The following PTK2B variants were observed in gnomAD, a reference collection of about 807,000 sequenced individuals.
The protein encoded by PTK2B is protein tyrosine kinase 2 beta, also known as protein-tyrosine kinase 2-beta.
PTK2B carries 71 observed loss-of-function variants against 142.9 expected under a neutral mutation model. The observed-to-expected ratio is 0.50, with a 90% confidence interval of 0.41 to 0.61. The LOEUF (loss-of-function observed/expected upper bound fraction) is 0.61, where lower values mean the gene tolerates loss of function less well. Ranked by LOEUF, PTK2B falls within the 20% of genes least tolerant of loss-of-function variation. PTK2B has a pLI of 0.00. For synonymous variants in PTK2B, 519 were observed against 503.4 expected, an observed-to-expected ratio of 1.03 and a Z score of -0.42; for missense variants, 1,105 against 1,320.4, an observed-to-expected ratio of 0.84 and a Z score of 2.53.
intron 24 of PTK2B, among the ~76,000 whole-genome samples, chr8:27,447,717 A>C (rs1461824606): frequency 6.6e-6 from 1 of 152,154 alleles, no homozygotes; most frequent in African/African-American, 2.4e-5. Context: ...AAAATTAGTC[A>C]GGCATGGTAG....
chr8:27,366,946 G>A (rs1021559169), intron 1 of PTK2B, among the ~76,000 whole-genome samples: 1 of 152,140 alleles, frequency 6.6e-6, no homozygotes, highest in African/African-American at 2.4e-5. Context: ...GAGGCTGAGT[G>A]TGGTGGCTCG....
At chr8:27,447,845 C>A (rs1159792438) in intron 24 of PTK2B, among the ~76,000 whole-genome samples, 1 of 152,176 alleles carries the variant, frequency 6.6e-6, no homozygotes, top group African/African-American at 2.4e-5. Flanking sequence ...GGCAACAGAG[C>A]AAAACCCTGT....
At position 27,331,408 on chromosome 8, in the gene PTK2B, C is replaced by T. The variant is rs147964505; in HGVS notation, c.-38+5727C>T. On this transcript the variant is annotated intron_variant, in intron 1 of 30. Coordinates refer to ENST00000346049, the MANE Select transcript of PTK2B (RefSeq NM_173176.3). ...CCCTTCTCACCTTTCTCACCTGGGACGGAATGGCCCCTGTGGTGGTTCTGA... is the reference window on the plus strand; with the variant it reads ...CCCTTCTCACCTTTCTCACCTGGGATGGAATGGCCCCTGTGGTGGTTCTGA... 1.0e-3 allele frequency among the ~76,000 whole-genome samples: 158 copies of T among 152,132 alleles called. 1 individual carries two copies. Among genetic ancestry groups the T allele is most frequent in the African/African-American group, 3.4e-3 (143 of 41,546 alleles).
At position 27,450,344 on chromosome 8, in the gene PTK2B, T is replaced by C. The variant is rs193067581; in HGVS notation, c.2341-405T>C. 3.3e-5 allele frequency among the ~76,000 whole-genome samples: 5 copies of C among 152,360 alleles called. No homozygotes were observed. In the East Asian group the frequency reaches 9.6e-4, roughly 29 times the overall value. On this transcript the variant is annotated intron_variant, in intron 24 of 30. Transcript: ENST00000346049. The stretch of plus-strand genomic sequence containing the variant: ...AGCAAAGCCAGCCCCTTGGAAACCC[T>C]TTGGATGCTTTTAGTAGATTTTAAA...
chr8:27,382,876 T>C (rs1301488036), intron 1 of PTK2B, among the ~76,000 whole-genome samples: 1 of 152,240 alleles, frequency 6.6e-6, no homozygotes, highest in Non-Finnish European at 1.5e-5. Flanking sequence ...TATGTGGATG[T>C]ATTTCTGGGT....
intron 5 of PTK2B, among the ~76,000 whole-genome samples, chr8:27,424,888 T>A (rs1039822171): frequency 7.9e-5 from 12 of 151,976 alleles, no homozygotes; most frequent in Non-Finnish European, 1.0e-4. Flanking sequence ...AAAAATTGTA[T>A]CATTTCCTAG....
At chr8:27,353,696 C>A (rs777418900) in intron 1 of PTK2B, among the ~76,000 whole-genome samples, 8 of 152,146 alleles carry the variant, frequency 5.3e-5, no homozygotes, top group South Asian at 2.1e-4. Context: ...TCAGGAGGCA[C>A]GATTTCTACT....
chr8:27,431,002 C>T lies in PTK2B; in HGVS notation c.796C>T (p.Arg266Cys). The T allele has an allele frequency of 1.9e-6, 3 of 1,613,756 alleles. No homozygotes were observed. The highest frequency in any genetic ancestry group is 2.5e-6 in the Non-Finnish European group (3 of 1,179,774). ...GFANIDQETY[R>C]CELIQGWNIT... ...CGCCAACATCGACCAGGAGACCTACCGCTGTGAACTCATTGTAATGGCGGG... is the reference window on the plus strand; with the variant it reads ...CGCCAACATCGACCAGGAGACCTACTGCTGTGAACTCATTGTAATGGCGGG... Residue 266 changes from arginine (R) to cysteine (C), a missense_variant, in exon 8 of 31, where the codon CGC becomes TGC. Coordinates refer to ENST00000346049, the MANE Select transcript of PTK2B (RefSeq NM_173176.3).
intron 1 of PTK2B, among the ~76,000 whole-genome samples, chr8:27,354,631 C>T (rs146814675): frequency 2.8e-3 from 420 of 152,210 alleles, no homozygotes; most frequent in African/African-American, 9.6e-3. Flanking sequence ...AAAATGGCAG[C>T]GTGTAATTAT....
chr8:27,370,914 A>T (rs1027890070), intron 1 of PTK2B, among the ~76,000 whole-genome samples: 9 of 150,914 alleles, frequency 6.0e-5, no homozygotes, highest in East Asian at 1.9e-4. Flanking sequence ...GTTTATTTTT[A>T]TTTTTTTTTG....
chr8:27,432,645 T>C (rs1318650488), intron 10 of PTK2B, among the ~76,000 whole-genome samples: 1 of 152,122 alleles, frequency 6.6e-6, no homozygotes, highest in Non-Finnish European at 1.5e-5. Flanking sequence ...CAGGTATAAA[T>C]CACAGGCCTA....
chr8:27,352,220 C>G (rs1805138910), intron 1 of PTK2B, among the ~76,000 whole-genome samples: 1 of 152,218 alleles, frequency 6.6e-6, no homozygotes, highest in Non-Finnish European at 1.5e-5. Flanking sequence ...TCCCCATCAC[C>G]CCATTACTTT....
At chr8:27,332,198 G>A (rs545766483) in intron 1 of PTK2B, among the ~76,000 whole-genome samples, 216 of 152,342 alleles carry the variant, frequency 1.4e-3, no homozygotes, top group Non-Finnish European at 2.3e-3. Context: ...AGGGCAGGAG[G>A]CCTGAGCTTT....
intron 2 of PTK2B, among the ~76,000 whole-genome samples, chr8:27,405,834 G>A (rs1808679297): frequency 6.6e-6 from 1 of 152,216 alleles, no homozygotes; most frequent in East Asian, 1.9e-4. Flanking sequence ...CTTTCAGGGT[G>A]TTAAGTTATG....
intron 5 of PTK2B, among the ~76,000 whole-genome samples, chr8:27,423,649 A>C (rs1809897336): frequency 6.6e-6 from 1 of 152,136 alleles, no homozygotes; most frequent in African/African-American, 2.4e-5. Flanking sequence ...GTTAATAGAG[A>C]GTAGAACTCT....
chr8:27,443,010 C>A lies in PTK2B; in HGVS notation c.2148+27C>A, dbSNP rs1430008669. The A allele has an allele frequency of 1.9e-6, 3 of 1,578,238 alleles. No individual in the cohort carries two copies. The African/African-American group carries it at 4.1e-5, about 21-fold the overall frequency. On this transcript the variant is annotated intron_variant, in intron 22 of 30. Coordinates refer to ENST00000346049, the MANE Select transcript of PTK2B (RefSeq NM_173176.3). ...TAAGCCAAGCCATGGCCTCATAAGTCCTGTGAGTCAAAGCAAAGCCAGGTC... is the reference window on the plus strand; with the variant it reads ...TAAGCCAAGCCATGGCCTCATAAGTACTGTGAGTCAAAGCAAAGCCAGGTC...
chr8:27,340,062 G>C (rs1043678958), intron 1 of PTK2B, among the ~76,000 whole-genome samples: 1 of 152,226 alleles, frequency 6.6e-6, no homozygotes, highest in African/African-American at 2.4e-5. Flanking sequence ...TGAGAATGTA[G>C]AATTGGTGGC....
At chr8:27,314,442 T>C (rs1430148251) in intron 3 of PTK2B, among the ~76,000 whole-genome samples, 1 of 152,098 alleles carries the variant, frequency 6.6e-6, no homozygotes, top group African/African-American at 2.4e-5. Flanking sequence ...CGGGCGCGTG[T>C]GGTGGTGTGC....
chr8:27,420,439 C>G (rs992868531), intron 3 of PTK2B, among the ~76,000 whole-genome samples: 1 of 152,178 alleles, frequency 6.6e-6, no homozygotes, highest in African/African-American at 2.4e-5. Flanking sequence ...AGGGATAGCT[C>G]AGACCACCAC....
Sources: allele counts gnomAD v4.1 joint callset (sites outside exome capture counted in the v4.1 genomes callset), GRCh38; gene constraint gnomAD v4.1.1; transcripts MANE v1.5; gene names NCBI Gene and HGNC (gene_info 2026-07-23, HGNC 2026-07-21).